The following SMARCA4 variants were observed in gnomAD, a reference collection of about 807,000 sequenced individuals.
SMARCA4 encodes SWI/SNF-related matrix-associated actin-dependent regulator of chromatin subfamily A member 4.
In SMARCA4, 31 loss-of-function variants were observed where a neutral mutation model predicts 193.9. The ratio of observed to expected loss-of-function variants is 0.16; its 90% CI spans 0.12 to 0.22. The LOEUF (loss-of-function observed/expected upper bound fraction) is 0.22. SMARCA4 is among the 10% of genes least tolerant of loss of function. The probability of loss-of-function intolerance (pLI) is 1.00; values close to 1 mark genes in which losing one functional copy is unlikely to be tolerated. For synonymous variants in SMARCA4, 942 were observed against 933.1 expected, an observed-to-expected ratio of 1.01 and a Z score of -0.17; for missense variants, 1,148 against 2,296.0, an observed-to-expected ratio of 0.50 and a Z score of 10.22.
At chr19:10,997,490 C>A (rs1361114816) in intron 11 of SMARCA4, among the ~76,000 whole-genome samples, 1 of 152,080 alleles carries the variant, frequency 6.6e-6, no homozygotes, top group East Asian at 1.9e-4. Context: ...CATGGCCAGC[C>A]AGTTTTTGTA....
intron 29 of SMARCA4, among the ~76,000 whole-genome samples, chr19:11,038,278 C>T (rs1481010491): frequency 2.6e-5 from 4 of 152,188 alleles, no homozygotes; most frequent in African/African-American, 9.7e-5. Flanking sequence ...GGGGACTTCT[C>T]CTCTGTGTCC....
chr19:10,968,142 C>T (rs1344529322), intron 1 of SMARCA4, among the ~76,000 whole-genome samples: 6 of 152,094 alleles, frequency 3.9e-5, no homozygotes, highest in Non-Finnish European at 5.9e-5. Flanking sequence ...TGAGCCACTG[C>T]GCCCGGCCAG....
chr19:11,011,973 T>A (rs1267921696), intron 15 of SMARCA4: 1 of 152,248 alleles, frequency 6.6e-6, no homozygotes, highest in Non-Finnish European at 1.5e-5. Flanking sequence ...GCCACTGCAC[T>A]CCAGCCTGGG....
At chr19:11,053,906 G>GT (rs1360625154) in intron 30 of SMARCA4, among the ~76,000 whole-genome samples, 1 of 152,192 alleles carries the variant, frequency 6.6e-6, no homozygotes, top group Non-Finnish European at 1.5e-5. Context: ...ACAAGATCGT[G>GT]TCTGTAAAAA....
chr19:11,048,211 C>G (rs1240421555), intron 30 of SMARCA4, among the ~76,000 whole-genome samples: 4 of 152,010 alleles, frequency 2.6e-5, no homozygotes, highest in African/African-American at 9.7e-5. Flanking sequence ...AAAAAAACTT[C>G]TTTTTGTTTA....
Position 11,019,612 on chromosome 19 carries a change from G to A in SMARCA4, c.2527G>A (p.Ala843Thr), listed in dbSNP as rs2146373575. The A allele has an allele frequency of 6.2e-7, 1 of 1,612,266 alleles. No homozygotes were observed. Among genetic ancestry groups the A allele is most frequent in the Non-Finnish European group, 8.5e-7 (1 of 1,179,158 alleles). Reference sequence around the variant, plus strand: ...GCAGGGATCCCCAGCAGCAAGACGGGCCTTTGTCCCCCAGCTCCGGAGTGG... The same window carrying A: ...GCAGGGATCCCCAGCAGCAAGACGGACCTTTGTCCCCCAGCTCCGGAGTGG... ...SYKGSPAARRAFVPQLRSGKF... is the reference protein window; with the variant it reads ...SYKGSPAARRTFVPQLRSGKF... The change falls in exon 18 of 35, where the codon GCC becomes ACC. Residue 843 changes from alanine (A) to threonine (T), a missense_variant. Physicochemically the swap from Ala to Thr is moderately conservative, Grantham distance 58. Transcript: ENST00000344626. This position sits in a 1 kb window ranked among gnomAD's most constrained non-coding sequence, Gnocchi z 6.1.
chr19:11,052,449 G>T (rs183053747), intron 30 of SMARCA4, among the ~76,000 whole-genome samples: 2 of 152,016 alleles, frequency 1.3e-5, no homozygotes, highest in African/African-American at 4.8e-5. Context: ...GGCTCCAGGG[G>T]GTGTGAAGGA....
At position 10,991,337 on chromosome 19, in the gene SMARCA4, G is replaced by T. The variant is rs1487734844; in HGVS notation, c.1419+14G>T. On this transcript the variant is annotated intron_variant, in intron 8 of 34. Coordinates refer to ENST00000344626, the MANE Select transcript of SMARCA4 (RefSeq NM_003072.5). ...CAGAAGCACCAGGTACGCTCCGGTG[G>T]CCCCAAGGCCCTGCAGCCCGCCCAC... The T allele has an allele frequency of 3.2e-6, 5 of 1,576,202 alleles. No individual in the cohort carries two copies. The highest frequency in any genetic ancestry group is 4.3e-6 in the Non-Finnish European group (5 of 1,161,986).
rs552713877 is a variant in SMARCA4, at chr19:10,989,462, G to A, written c.1245+19G>A. The A allele has an allele frequency of 9.3e-6, 15 of 1,613,300 alleles. No individual in the cohort carries two copies. Among genetic ancestry groups the A allele is most frequent in the South Asian group, 4.4e-5 (4 of 91,030 alleles). Reference sequence around the variant, plus strand: ...GAGGCAGGTGGGTGCTGGCATGGCCGCAGCTTTCCGAAAAGGGCCTTTGTC... The same window carrying A: ...GAGGCAGGTGGGTGCTGGCATGGCCACAGCTTTCCGAAAAGGGCCTTTGTC... On this transcript the variant is annotated intron_variant, in intron 7 of 34. Coordinates refer to ENST00000344626, the MANE Select transcript of SMARCA4 (RefSeq NM_003072.5).
intron 30 of SMARCA4, among the ~76,000 whole-genome samples, chr19:11,051,280 C>T (rs80330777): frequency 2.0e-5 from 3 of 152,126 alleles, no homozygotes; most frequent in Admixed American, 6.5e-5. Context: ...ACTAGAATGG[C>T]GTGTTTAAGG....
intron 25 of SMARCA4, chr19:11,032,748 C>G (rs2075014316): frequency 5.0e-6 from 1 of 200,852 alleles, no homozygotes; most frequent in Non-Finnish European, 1.0e-5. Context: ...GGGCCACACT[C>G]CTGGTGCTTA....
Position 10,972,575 on chromosome 19 carries a change from T to A in SMARCA4, c.-32+11401T>A, listed in dbSNP as rs2084763446. On this transcript the variant is annotated intron_variant, in intron 1 of 34. Coordinates refer to ENST00000344626, the MANE Select transcript of SMARCA4 (RefSeq NM_003072.5). ...ATTCAGCGCTGTTCGTATTTGGGGG[T>A]AGTCATCAGTAAGTCCTCTGCTGTG... Among the ~76,000 whole-genome samples, 4 of 151,930 alleles carry A rather than the reference T, an allele frequency of 2.6e-5. No individual in the cohort carries two copies. In the South Asian group the frequency reaches 8.3e-4, roughly 32 times the overall value.
chr19:10,976,510 C>G (rs188041195), intron 1 of SMARCA4, among the ~76,000 whole-genome samples: 1 of 152,106 alleles, frequency 6.6e-6, no homozygotes. Context: ...AGTCCTAGCA[C>G]TTTCGGAGGT....
chr19:10,999,268 G>C (rs547292725), intron 11 of SMARCA4, among the ~76,000 whole-genome samples: 207 of 152,240 alleles, frequency 1.4e-3, no homozygotes, highest in African/African-American at 4.5e-3. Flanking sequence ...GGTGCTTCCT[G>C]CTAGTGGGCC....
In SMARCA4 at chr19:11,023,538, A is replaced by G; in HGVS notation, c.2880A>G (p.Glu960=). The change falls in exon 20 of 35, where the codon GAA becomes GAG. Residue 960 remains glutamate (E), a synonymous_variant. Coordinates refer to ENST00000344626, the MANE Select transcript of SMARCA4 (RefSeq NM_003072.5). ...TGEKVDLNEE[E]TILIIRRLHK... The stretch of plus-strand genomic sequence containing the variant: ...TCCAGGTGGACCTGAATGAGGAGGA[A>G]ACCATTCTCATCATCCGGCGTCTCC... 1 of 1,611,940 alleles carries G rather than the reference A, an allele frequency of 6.2e-7. No individual in the cohort carries two copies. Among genetic ancestry groups the G allele is most frequent in the Non-Finnish European group, 8.5e-7 (1 of 1,178,310 alleles).
In SMARCA4 at chr19:11,061,719, G is replaced by A. The variant is rs372705265; in HGVS notation, c.4912-65G>A. 3.7e-5 allele frequency: 54 copies of A among 1,478,028 alleles called. No individual in the cohort carries two copies. In the Middle Eastern group the frequency reaches 1.0e-3, roughly 28 times the overall value. The allele number at this position is 1,478,028 out of a possible 1,614,324, so 91.6% of individuals were successfully genotyped here. A position where few individuals can be genotyped will look rare whatever the true frequency, so the allele number is the denominator to read the frequency against. On this transcript the variant is annotated intron_variant, in intron 34 of 34. Coordinates refer to ENST00000344626, the MANE Select transcript of SMARCA4 (RefSeq NM_003072.5). ...AGCAAGTTTATTTAAAGTTTGGCAG[G>A]TCCCTGGCAAGGTGCCCTGGCAGGG...
At chr19:11,023,989 C>T (rs2090062887) in intron 20 of SMARCA4, among the ~76,000 whole-genome samples, 1 of 152,234 alleles carries the variant, frequency 6.6e-6, no homozygotes, top group South Asian at 2.1e-4. Context: ...CAGCCACACC[C>T]CTGGGCCCAG....
At position 11,042,041 on chromosome 19, in the gene SMARCA4, C is replaced by T. The variant is rs562955581; in HGVS notation, c.4424+481C>T. On this transcript the variant is annotated intron_variant, in intron 30 of 34. Coordinates refer to ENST00000344626, the MANE Select transcript of SMARCA4 (RefSeq NM_003072.5). ...GGAGCAGAGAAAGTGGCAGCCCTCT[C>T]CTGTCCTTGCACCCTCCCAGGCTAC... 3.9e-4 allele frequency among the ~76,000 whole-genome samples: 60 copies of T among 152,296 alleles called. 1 individual carries two copies. The highest frequency in any genetic ancestry group is 1.3e-3 in the African/African-American group (55 of 41,560).
chr19:10,966,248 T>G (rs928412469), intron 1 of SMARCA4, among the ~76,000 whole-genome samples: 1 of 151,968 alleles, frequency 6.6e-6, no homozygotes, highest in Non-Finnish European at 1.5e-5. Context: ...CCTCCCAAAG[T>G]GCTGGGATTA....
Sources: gnomAD v4.1 joint callset for allele counts (sites outside exome capture counted in the v4.1 genomes callset) on GRCh38, gnomAD v4.1.1 for gene constraint, Gnocchi (gnomAD v3.1) non-coding constraint, MANE v1.5 for transcripts, NCBI Gene and HGNC (gene_info 2026-07-23, HGNC 2026-07-21) for gene names.